Variants in DMD observed in about 807,000 individuals in gnomAD.
DMD encodes mutant dystrophin.
DMD carries 63 observed loss-of-function variants against 330.1 expected under a neutral mutation model. The observed-to-expected ratio is 0.19, with a 90% CI of 0.16 to 0.24. DMD has a LOEUF of 0.24. DMD is among the 10% of genes least tolerant of loss of function. The pLI is 1.00. For missense variants in DMD, 3,344 were observed against 2,684.1 expected (o/e 1.25, Z -5.43); for synonymous variants, 1,223 against 959.8 (o/e 1.27, Z -5.07).
intron 45 of DMD, among the ~76,000 whole-genome samples, chrX:31,936,816 T>C (rs1047978338): frequency 1.8e-5 from 2 of 111,483 alleles, no homozygotes; most frequent in African/African-American, 3.2e-5. Context: ...CTTAAATTTA[T>C]ATAGTGTTGT....
chrX:32,686,219 G>A (rs192596128), intron 9 of DMD, among the ~76,000 whole-genome samples: 25 of 111,568 alleles, frequency 2.2e-4, no homozygotes, highest in Admixed American at 5.7e-4. Flanking sequence ...CTATAGCAGG[G>A]ATTAAAATTA....
At chrX:32,123,530 T>C (rs190589706) in intron 44 of DMD, among the ~76,000 whole-genome samples, 108 of 110,273 alleles carry the variant, frequency 9.8e-4, no homozygotes, top group African/African-American at 3.0e-3. Flanking sequence ...GCTCTGTTTC[T>C]GAAGAAAGAG....
rs190517317 is a variant in DMD, at chrX:32,636,600, G to T, written c.1331+7532C>A. 3.6e-5 allele frequency among the ~76,000 whole-genome samples: 4 copies of T among 111,526 alleles called. No individual in the cohort carries two copies. In the East Asian group the frequency reaches 1.1e-3, roughly 31 times the overall value. On this transcript the variant is annotated intron_variant, in intron 11 of 78. Coordinates refer to ENST00000357033, the MANE Select transcript of DMD (RefSeq NM_004006.3). ...AATTATTAATATTTTTCAACTATCC[G>T]AGGCAACATTAAAGTTCAAATGCAA... is the stretch of plus-strand genomic sequence containing the variant.
intron 78 of DMD, among the ~76,000 whole-genome samples, chrX:31,125,217 G>A (rs1422080691): frequency 9.0e-6 from 1 of 111,695 alleles, no homozygotes; most frequent in South Asian, 3.8e-4. Context: ...CCATAAGAAT[G>A]AACCCAAGAA....
At chrX:33,310,477 A>T (rs1603429911) in intron 1 of DMD, among the ~76,000 whole-genome samples, 1 of 111,668 alleles carries the variant, frequency 9.0e-6, no homozygotes, top group East Asian at 2.8e-4. Context: ...GTTCTGAAAG[A>T]ACACAAAAGG....
chrX:33,298,093 TC>T (rs1216176153), intron 1 of DMD, among the ~76,000 whole-genome samples: 1 of 111,144 alleles, frequency 9.0e-6, no homozygotes, highest in Non-Finnish European at 1.9e-5. Context: ...CAAAAAAGTA[TC>T]CCTAAATGAT....
chrX:32,689,098 C>G (rs775240807), intron 9 of DMD, among the ~76,000 whole-genome samples: 1 of 110,745 alleles, frequency 9.0e-6, no homozygotes, highest in South Asian at 3.8e-4. Context: ...TGCAGACACA[C>G]CTAGTGGAAT....
At chrX:31,299,774 T>TAAA (rs35813284) in intron 62 of DMD, among the ~76,000 whole-genome samples, 39 of 56,907 alleles carry the variant, frequency 6.9e-4, no homozygotes, top group Admixed American at 2.5e-3. Context: ...GACTCCGTCT[T>TAAA]AAAAAAAAAA....
intron 2 of DMD, among the ~76,000 whole-genome samples, chrX:32,967,755 T>C (rs1288646092): frequency 8.9e-6 from 1 of 111,893 alleles, no homozygotes; most frequent in Non-Finnish European, 1.9e-5. Context: ...TCATCTTTTT[T>C]TCCTTCCTTT....
At chrX:31,447,658 T>C (rs1053659822) in intron 59 of DMD, among the ~76,000 whole-genome samples, 1 of 109,676 alleles carries the variant, frequency 9.1e-6, no homozygotes, top group Admixed American at 9.8e-5. Flanking sequence ...AAAAAGAAAA[T>C]AAATATTGTT....
chrX:31,227,249 T>C (rs951984963), intron 63 of DMD, among the ~76,000 whole-genome samples: 1 of 111,505 alleles, frequency 9.0e-6, no homozygotes, highest in Non-Finnish European at 1.9e-5. Context: ...ATATCAAGAA[T>C]TGGCAAATTC....
chrX:33,142,443 TGAAGTGATTCAA>T (rs758811465), intron 1 of DMD, among the ~76,000 whole-genome samples: 6 of 112,948 alleles, frequency 5.3e-5, no homozygotes, highest in Non-Finnish European at 1.1e-4. Flanking sequence ...TAATCAAAAC[TGAAGTGATTCAA>T]GTAGTGATTC....
chrX:32,626,489 C>T (rs1211804270), intron 11 of DMD, among the ~76,000 whole-genome samples: 1 of 104,982 alleles, frequency 9.5e-6, no homozygotes, highest in African/African-American at 4.0e-5. Context: ...ATAAAAATAA[C>T]AAAACGATGG....
At chrX:31,400,288 G>A (rs2061131048) in intron 60 of DMD, among the ~76,000 whole-genome samples, 1 of 111,397 alleles carries the variant, frequency 9.0e-6, no homozygotes, top group Non-Finnish European at 1.9e-5. Flanking sequence ...ATACTCAAAA[G>A]AATGCAACCA....
At chrX:32,337,439 C>G (rs2097720965) in intron 41 of DMD, among the ~76,000 whole-genome samples, 1 of 108,738 alleles carries the variant, frequency 9.2e-6, no homozygotes, top group Non-Finnish European at 1.9e-5. Context: ...TATTTGATGT[C>G]ATAACATGCT....
At chrX:32,417,788 G>A (rs1603633034) in intron 29 of DMD, among the ~76,000 whole-genome samples, 1 of 108,132 alleles carries the variant, frequency 9.2e-6, no homozygotes, top group East Asian at 2.9e-4. Flanking sequence ...TCCCATACTT[G>A]TACCCCAAAT....
At chrX:31,928,552 G>A (rs1034822514) in intron 47 of DMD, among the ~76,000 whole-genome samples, 43 of 109,873 alleles carry the variant, frequency 3.9e-4, no homozygotes, top group African/African-American at 1.3e-3. Flanking sequence ...GTTGCAGTGA[G>A]CCGAGATCGC....
At chrX:32,240,686 T>C (rs978953701) in intron 43 of DMD, among the ~76,000 whole-genome samples, 2 of 111,647 alleles carry the variant, frequency 1.8e-5, no homozygotes, top group Non-Finnish European at 3.8e-5. Flanking sequence ...GGTCTCACCA[T>C]TAAATATGTT....
chrX:32,942,016 A>G (rs189922393), intron 2 of DMD, among the ~76,000 whole-genome samples: 1 of 111,734 alleles, frequency 8.9e-6, no homozygotes, highest in African/African-American at 3.3e-5. Context: ...AAAACACCCA[A>G]GCAATGTGAT....
Sources: allele counts gnomAD v4.1 joint callset (sites outside exome capture counted in the v4.1 genomes callset), GRCh38; gene constraint gnomAD v4.1.1; transcripts MANE v1.5; gene names NCBI Gene and HGNC (gene_info 2026-07-23, HGNC 2026-07-21).